The following L3HYPDH variants were observed in gnomAD, a reference collection of about 807,000 sequenced individuals.
L3HYPDH encodes the protein trans-L-3-hydroxyproline dehydratase.
A neutral mutation model predicts 26.5 loss-of-function variants in L3HYPDH; 32 were observed. The observed-to-expected ratio is 1.21, with a 90% confidence interval of 0.91 to 1.62. L3HYPDH has a LOEUF of 1.62. Among genes scored for constraint, L3HYPDH ranks in the 40% most tolerant of loss-of-function variants. The probability of loss-of-function intolerance (pLI) is 0.00; values close to 1 mark genes in which losing one functional copy is unlikely to be tolerated. For missense variants in L3HYPDH, 554 were observed against 476.4 expected (o/e 1.16, Z -1.52); for synonymous variants, 215 against 196.6 (o/e 1.09, Z -0.78).
chr14:59,497,077 C>T, the L3HYPDH span, among the ~76,000 whole-genome samples: 5 of 148,986 alleles, frequency 3.4e-5, no homozygotes, highest in East Asian at 2.0e-4. Flanking sequence ...AGTGCATTGA[C>T]AAATGAAGGC....
the L3HYPDH span, among the ~76,000 whole-genome samples, chr14:59,490,432 C>T: frequency 3.3e-5 from 5 of 152,088 alleles, no homozygotes; most frequent in African/African-American, 7.2e-5. Context: ...TTGAGTGAAT[C>T]GTTTATTGGT....
the L3HYPDH span, among the ~76,000 whole-genome samples, chr14:59,493,562 A>C: frequency 6.6e-6 from 1 of 152,232 alleles, no homozygotes; most frequent in African/African-American, 2.4e-5. Context: ...TAGAAAACTC[A>C]AAATCACCTA....
chr14:59,495,085 C>G, the L3HYPDH span: 2 of 1,613,678 alleles, frequency 1.2e-6, no homozygotes, highest in Non-Finnish European at 1.7e-6. Flanking sequence ...TATCACCTTA[C>G]TTGTGAGTGA....
chr14:59,491,949 GCTTCCC>G, the L3HYPDH span, among the ~76,000 whole-genome samples: 3 of 152,224 alleles, frequency 2.0e-5, no homozygotes, highest in Non-Finnish European at 4.4e-5. Flanking sequence ...TTGCTGGAAA[GCTTCCC>G]CATTCTCAAT....
the L3HYPDH span, among the ~76,000 whole-genome samples, chr14:59,503,239 A>G: frequency 1.3e-5 from 2 of 152,218 alleles, no homozygotes; most frequent in African/African-American, 2.4e-5. Flanking sequence ...GAGCTGTTTA[A>G]TAAGAGAAAG....
chr14:59,481,883 GTTGTTTTGA>G (rs1329760055), intron 1 of L3HYPDH, among the ~76,000 whole-genome samples: 1 of 152,186 alleles, frequency 6.6e-6, no homozygotes, highest in East Asian at 1.9e-4. Context: ...TCCTAAAAGA[GTTGTTTTGA>G]AAATTCCACG....
At chr14:59,474,772 G>C in intron 4 of L3HYPDH, 2 of 369,528 alleles carry the variant, frequency 5.4e-6, no homozygotes, top group African/African-American at 4.2e-5. Flanking sequence ...CATGTATCAA[G>C]TGCTTAGCTT....
the L3HYPDH span, among the ~76,000 whole-genome samples, chr14:59,502,773 T>TTGTTTTTTTTTTTTTTTTTTTTTG: frequency 9.7e-6 from 1 of 102,836 alleles, no homozygotes; most frequent in African/African-American, 3.9e-5. Flanking sequence ...TTTTTTTTTT[T>TTGTTTTTTTTTTTTTTTTTTTTTG]CGGAGTCTCA....
chr14:59,497,610 A>T, the L3HYPDH span, among the ~76,000 whole-genome samples: 8 of 152,278 alleles, frequency 5.3e-5, no homozygotes, highest in South Asian at 1.7e-3. Flanking sequence ...GGTAACACAT[A>T]ATGGTTTCCT....
In L3HYPDH at chr14:59,476,158, TA is replaced by T; in HGVS notation, c.734del (p.Leu245Ter). 1.9e-6 allele frequency: 3 copies of T among 1,613,600 alleles called. No individual in the cohort carries two copies. The highest frequency in any genetic ancestry group is 2.5e-6 in the Non-Finnish European group (3 of 1,179,560). The part of the protein sequence containing the change: ...EDLAFLYGTI[L>X]TDGKDAYTKE... ...TGGTATAAGCATCTTTTCCATCTGT[TA>T]ATATAGTTCCATATAAAAAGGCAAG... On this transcript the variant is annotated frameshift_variant, in exon 3 of 5. Coordinates refer to ENST00000247194, the MANE Select transcript of L3HYPDH (RefSeq NM_144581.2). LOFTEE classifies it high-confidence loss of function.
chr14:59,481,293 TC>T (rs1168495299), intron 1 of L3HYPDH, among the ~76,000 whole-genome samples: 1 of 152,234 alleles, frequency 6.6e-6, no homozygotes. Flanking sequence ...CATGAGTACT[TC>T]CTATGTGGCA....
the L3HYPDH span, among the ~76,000 whole-genome samples, chr14:59,490,828 A>G: frequency 4.6e-5 from 7 of 152,182 alleles, no homozygotes; most frequent in Non-Finnish European, 8.8e-5. Context: ...ATTGGTGGGA[A>G]GTTCTCAGCC....
At chr14:59,503,932 A>G in the L3HYPDH span, 6 of 1,613,590 alleles carry the variant, frequency 3.7e-6, no homozygotes, top group Non-Finnish European at 5.1e-6. Context: ...CTATGGAATA[A>G]TCTCCATTTC....
downstream of L3HYPDH, among the ~76,000 whole-genome samples, chr14:59,468,168 G>C (rs576105286): frequency 6.6e-6 from 1 of 152,206 alleles, no homozygotes; most frequent in South Asian, 2.1e-4. Flanking sequence ...AGGGAGGATC[G>C]TATGAGCCCA....
chr14:59,502,229 AATACGTTAATGGCTCTGATTT>A, the L3HYPDH span, among the ~76,000 whole-genome samples: 1 of 152,164 alleles, frequency 6.6e-6, no homozygotes, highest in South Asian at 2.1e-4. Context: ...ATTGCTTTTA[AATACGTTAATGGCTCTGATTT>A]AAGAACTCTT....
At chr14:59,479,055 T>C (rs1889833886) in intron 2 of L3HYPDH, 127 bp downstream of exon 2, 1 of 713,530 alleles carries the variant, frequency 1.4e-6, no homozygotes, top group African/African-American at 1.9e-5. Flanking sequence ...AAGATTTTAA[T>C]AAGTACCCTA....
At chr14:59,496,700 GA>G in the L3HYPDH span, among the ~76,000 whole-genome samples, 1 of 152,154 alleles carries the variant, frequency 6.6e-6, no homozygotes, top group Non-Finnish European at 1.5e-5. Flanking sequence ...CTGTCAATCA[GA>G]ATCATCACAC....
chr14:59,504,030 C>T, the L3HYPDH span: 17 of 1,613,560 alleles, frequency 1.1e-5, no homozygotes, highest in Admixed American at 8.3e-5. Context: ...CAAAATTTAC[C>T]GAACCTTCAA....
Position 59,484,273 on chromosome 14 carries a change from G to A in L3HYPDH, c.44C>T (p.Pro15Leu). The A allele has an allele frequency of 6.3e-7, 1 of 1,596,182 alleles. No individual in the cohort carries two copies. The highest frequency in any genetic ancestry group is 1.1e-5 in the South Asian group (1 of 90,890). ...LAVPRLPPHDPGTPVLSVVDM... is the reference protein window; with the variant it reads ...LAVPRLPPHDLGTPVLSVVDM... ...CACCACCGACAGCACCGGCGTCCCT[G>A]GATCATGCGGGGGCAGCCGGGGCAC... is the stretch of plus-strand genomic sequence containing the variant. Residue 15 changes from proline to leucine, a missense_variant, in exon 1 of 5, where the codon CCA becomes CTA. Pro to Leu is a moderately conservative substitution (Grantham distance 98). Transcript: ENST00000247194.
Sources: gnomAD v4.1 joint callset for allele counts (sites outside exome capture counted in the v4.1 genomes callset) on GRCh38, gnomAD v4.1.1 for gene constraint, MANE v1.5 for transcripts, NCBI Gene and HGNC (gene_info 2026-07-23, HGNC 2026-07-21) for gene names.